CREBZF: variants seen among roughly 807,000 people sequenced by gnomAD.
CREBZF encodes CREB/ATF bZIP transcription factor, also known as HCF-binding transcription factor Zhangfei.
In CREBZF, 8 loss-of-function variants were observed where a neutral mutation model predicts 21.1. The observed-to-expected ratio is 0.38, with a 90% confidence interval of 0.22 to 0.68. The LOEUF is 0.68. Among genes scored for constraint, CREBZF ranks in the 30% least tolerant of loss-of-function variants. The pLI is 0.51. For missense variants in CREBZF, 518 were observed against 484.3 expected (o/e 1.07, Z -0.65); for synonymous variants, 270 against 223.3 (o/e 1.21, Z -1.86).
At chr11:85,677,741 G>A (rs1331873745) in intron 1 of CREBZF, among the ~76,000 whole-genome samples, 1 of 152,172 alleles carries the variant, frequency 6.6e-6, no homozygotes, top group Non-Finnish European at 1.5e-5. Flanking sequence ...TTTTAGTGAT[G>A]CTAAGATTGA....
chr11:85,670,278 C>T (rs1352411330), intron 1 of CREBZF, among the ~76,000 whole-genome samples: 1 of 119,926 alleles, frequency 8.3e-6, no homozygotes, highest in East Asian at 2.7e-4. Context: ...AATCCCCCCC[C>T]CCCACAATAA....
chr11:85,664,220 C>T lies in CREBZF; in HGVS notation c.656G>A (p.Arg219His). Reference protein sequence around the residue: ...SPRKAAAAAARLNRLKKKEYV... With the variant: ...SPRKAAAAAAHLNRLKKKEYV... ...CTCCTTCTTCTTCAGTCGATTAAGG[C>T]GGGCAGCGGCCGCCGCCGCCTTCCG... The change falls in exon 1 of 1, where the codon CGC (arginine) becomes CAC (histidine). Residue 219 changes from arginine to histidine, a missense_variant. Physicochemically the swap from Arg to His is conservative, Grantham distance 29. Transcript: ENST00000527447. This position sits in a 1 kb window ranked among gnomAD's most constrained non-coding sequence, Gnocchi z 5.5. The T allele has an allele frequency of 6.2e-7, 1 of 1,612,810 alleles. No homozygotes were observed. Among genetic ancestry groups the T allele is most frequent in the Non-Finnish European group, 8.5e-7 (1 of 1,179,834 alleles).
rs917469240 is a variant in CREBZF, at chr11:85,661,386, CA to C, written c.*2424del. The C allele has an allele frequency of 2.6e-5, 4 of 152,252 alleles. No individual in the cohort carries two copies. The highest frequency in any genetic ancestry group is 9.7e-5 in the African/African-American group (4 of 41,356). 9.4% of individuals were successfully genotyped at this position (152,252 alleles called of 1,614,324 possible). ...AGTTAATAAAACATAAGGAACCTAA[CA>C]AAGCAGCTTTAAAAATAGGCCATAC... On this transcript the variant is annotated 3_prime_UTR_variant, in exon 1 of 1. Coordinates refer to ENST00000527447, the MANE Select transcript of CREBZF (RefSeq NM_001039618.4).
rs934730593 is a variant in CREBZF at position 85,662,985 on chromosome 11, T to C, written c.*826A>G. 1 of 161,106 alleles carries C rather than the reference T, an allele frequency of 6.2e-6. No homozygotes were observed. The highest frequency in any genetic ancestry group is 2.4e-5 in the African/African-American group (1 of 41,546). The allele number at this position is 161,106 out of a possible 1,614,324, so 10.0% of individuals were successfully genotyped here. ...GAGACATTAAAATGTTACTCCATTATAGACTGTTTCTATATCTCATACTGA... is the reference window on the plus strand; with the variant it reads ...GAGACATTAAAATGTTACTCCATTACAGACTGTTTCTATATCTCATACTGA... On this transcript the variant is annotated 3_prime_UTR_variant, in exon 1 of 1. Transcript: ENST00000527447.
At chr11:85,678,327 C>T (rs1565814696) in intron 1 of CREBZF, among the ~76,000 whole-genome samples, 1 of 151,990 alleles carries the variant, frequency 6.6e-6, no homozygotes, top group South Asian at 2.1e-4. Context: ...ATTTTTATTG[C>T]TTCTAGGCCT....
At position 85,663,452 on chromosome 11, in the gene CREBZF, A is replaced by C. The variant is rs564128392; in HGVS notation, c.*359T>G. On this transcript the variant is annotated 3_prime_UTR_variant, in exon 1 of 1. Coordinates refer to ENST00000527447, the MANE Select transcript of CREBZF (RefSeq NM_001039618.4). ...AAAAAAAAAAAATCACACACACACAAACTGAGATGTTGCCCATTAAAGTAG... is the reference window on the plus strand; with the variant it reads ...AAAAAAAAAAAATCACACACACACACACTGAGATGTTGCCCATTAAAGTAG... 2.7e-6 allele frequency: 2 copies of C among 745,908 alleles called. No homozygotes were observed. Among genetic ancestry groups the C allele is most frequent in the East Asian group, 5.4e-5 (2 of 37,358 alleles). The allele number at this position is 745,908 out of a possible 1,614,324, so 46.2% of individuals were successfully genotyped here. A position where few individuals can be genotyped will look rare whatever the true frequency, so the allele number is the denominator to read the frequency against.
At chr11:85,677,687 A>G (rs1199839607) in intron 1 of CREBZF, among the ~76,000 whole-genome samples, 2 of 152,240 alleles carry the variant, frequency 1.3e-5, no homozygotes, top group Non-Finnish European at 2.9e-5. Flanking sequence ...GCTGCTCTGC[A>G]TACTGTATTG....
Position 85,662,208 on chromosome 11 carries a change from T to C in CREBZF, c.*1603A>G, listed in dbSNP as rs2082706467. 3.5e-6 allele frequency: 2 copies of C among 568,766 alleles called. No homozygotes were observed. Among genetic ancestry groups the C allele is most frequent in the Non-Finnish European group, 6.5e-6 (2 of 308,588 alleles). The allele number at this position is 568,766 out of a possible 1,614,324, so 35.2% of individuals were successfully genotyped here. ...ATCGTATTATCTAGCAACAAAACAT[T>C]TACAGTTGTGCAAGAACAAGGATTC... On this transcript the variant is annotated 3_prime_UTR_variant, in exon 1 of 1. Coordinates refer to ENST00000527447, the MANE Select transcript of CREBZF (RefSeq NM_001039618.4).
At chr11:85,669,447 C>A (rs2082896745), upstream of CREBZF, among the ~76,000 whole-genome samples, 1 of 151,392 alleles carries the variant, frequency 6.6e-6, no homozygotes, top group Non-Finnish European at 1.5e-5. Context: ...CACTCACACA[C>A]AATCTACTTT....
In CREBZF at chr11:85,670,267, T is replaced by C. The variant is rs569773486; in HGVS notation, n.148-6666A>G. On this transcript the variant is annotated intron_variant and non_coding_transcript_variant, in intron 1 of 3. Coordinates refer to the CREBZF transcript ENST00000531515. ...TATTCTTTATTTCCCCCTAACACTT[T>C]AATCCCCCCCCCCCACAATAAGATC... Among the ~76,000 whole-genome samples the C allele has an allele frequency of 7.5e-5, 8 of 106,906 alleles. 1 individual carries two copies. In the East Asian group the frequency reaches 2.7e-3, roughly 36 times the overall value. The allele number at this position is 106,906 out of a possible 152,430, so 70.1% of individuals were successfully genotyped here.
At chr11:85,668,755 C>G (rs992968431), upstream of CREBZF, among the ~76,000 whole-genome samples, 1 of 151,796 alleles carries the variant, frequency 6.6e-6, no homozygotes, top group African/African-American at 2.4e-5. Flanking sequence ...GTAATCCCAG[C>G]ACTTTGGGAG....
chr11:85,682,203 C>G (rs1201104703), intron 1 of CREBZF, among the ~76,000 whole-genome samples: 2 of 152,136 alleles, frequency 1.3e-5, no homozygotes, highest in Non-Finnish European at 2.9e-5. Context: ...GACAAGTCAT[C>G]CTCTCTTAGT....
intron 1 of CREBZF, among the ~76,000 whole-genome samples, chr11:85,681,162 C>A (rs1233513777): frequency 1.3e-5 from 2 of 152,130 alleles, no homozygotes; most frequent in African/African-American, 4.8e-5. Flanking sequence ...ATCCTCTTTT[C>A]TTTGTGGACC....
At chr11:85,678,916 G>A (rs548059216) in intron 1 of CREBZF, among the ~76,000 whole-genome samples, 1 of 152,276 alleles carries the variant, frequency 6.6e-6, no homozygotes, top group African/African-American at 2.4e-5. Context: ...TTTCCAAAGG[G>A]CTCTCTCAAA....
At chr11:85,666,569 T>C (rs2082865914), upstream of CREBZF, among the ~76,000 whole-genome samples, 1 of 152,228 alleles carries the variant, frequency 6.6e-6, no homozygotes, top group African/African-American at 2.4e-5. Flanking sequence ...AAGAAACTTC[T>C]CTATAGGATA....
chr11:85,669,646 G>A (rs1313342121), upstream of CREBZF, among the ~76,000 whole-genome samples: 1 of 152,118 alleles, frequency 6.6e-6, no homozygotes, highest in African/African-American at 2.4e-5. Flanking sequence ...GATAGTCAAT[G>A]GACAATTCTC....
rs1011530308 is a variant in CREBZF, at chr11:85,677,525, T to C, written n.147+5192A>G. Among the ~76,000 whole-genome samples, 4 of 152,338 alleles carry C rather than the reference T, an allele frequency of 2.6e-5. No individual in the cohort carries two copies. The East Asian group carries it at 7.7e-4, about 29-fold the overall frequency. ...AAACCAGGTCAATTGTCCTATTGAA[T>C]GTCCCATATTCTAGATTTGCCTGTT... On this transcript the variant is annotated intron_variant and non_coding_transcript_variant, in intron 1 of 3. Coordinates refer to the CREBZF transcript ENST00000531515.
chr11:85,664,366 G>A lies in CREBZF; in HGVS notation c.510C>T (p.Ile170=). Residue 170 remains isoleucine (I), a synonymous_variant, in exon 1 of 1, where the codon ATC becomes ATT. Transcript: ENST00000527447. The surrounding 1 kb of genome is among the most constrained non-coding windows in gnomAD (Gnocchi z 5.5). ...TGTCACTGCTGCTGCTGCAGCCTCC[G>A]ATACCGTTTAACAGCCTTTGCAGCA... ...SDLLQRLLNG[I]GGCSSSSDSG... is the part of the protein sequence containing the mutation. The A allele has an allele frequency of 6.2e-7, 1 of 1,613,658 alleles. No homozygotes were observed.
At chr11:85,682,644 T>A (rs1429013188) in intron 1 of CREBZF, 19 of 273,508 alleles carry the variant, frequency 6.9e-5, no homozygotes, top group East Asian at 1.6e-4. Flanking sequence ...TCTTCCCCCA[T>A]ATAACGTGGA....
Sources: allele counts gnomAD v4.1 joint callset (sites outside exome capture counted in the v4.1 genomes callset), GRCh38; gene constraint gnomAD v4.1.1; non-coding constraint Gnocchi (gnomAD v3.1); transcripts MANE v1.5; gene names NCBI Gene and HGNC (gene_info 2026-07-23, HGNC 2026-07-21).